Variants in FTO observed in about 807,000 individuals in gnomAD.
FTO encodes FTO alpha-ketoglutarate dependent dioxygenase.
A neutral mutation model predicts 63.9 loss-of-function variants in FTO; 47 were observed. That is an observed-to-expected ratio of 0.74 (90% confidence interval 0.58 to 0.94). The LOEUF (loss-of-function observed/expected upper bound fraction) is 0.94. FTO is among the 40% of genes least tolerant of loss of function. The pLI, the probability that FTO is intolerant of heterozygous loss-of-function variation, is 0.00. For synonymous variants in FTO, 207 were observed against 224.4 expected (o/e 0.92, Z 0.69); for missense variants, 562 against 618.1 (o/e 0.91, Z 0.96).
chr16:53,971,562 T>C (rs530413684), intron 8 of FTO, among the ~76,000 whole-genome samples: 2 of 152,338 alleles, frequency 1.3e-5, no homozygotes, highest in East Asian at 3.9e-4. Flanking sequence ...TTTTCTAAGG[T>C]TAAATTTTGT....
rs142290593 is a variant in FTO at position 54,099,865 on chromosome 16, C to T, written c.1365-11897C>T. ...CCTGGGGAGCCAAGTTGCCGCTCTACAGGACTCTACAGCGGCCTGAGTCTG... is the reference window on the plus strand; with the variant it reads ...CCTGGGGAGCCAAGTTGCCGCTCTATAGGACTCTACAGCGGCCTGAGTCTG... On this transcript the variant is annotated intron_variant, in intron 8 of 8. Coordinates refer to ENST00000471389, the MANE Select transcript of FTO (RefSeq NM_001080432.3). Among the ~76,000 whole-genome samples the T allele has an allele frequency of 5.9e-5, 9 of 152,282 alleles. No individual in the cohort carries two copies. In the East Asian group the frequency reaches 1.7e-3, roughly 29 times the overall value.
chr16:54,033,469 G>C (rs1303984848), intron 8 of FTO, among the ~76,000 whole-genome samples: 1 of 152,130 alleles, frequency 6.6e-6, no homozygotes, highest in Non-Finnish European at 1.5e-5. Flanking sequence ...ATCTAGATTT[G>C]GCCAAAAGGT....
chr16:53,983,363 A>G (rs2083591001), intron 8 of FTO, among the ~76,000 whole-genome samples: 1 of 152,078 alleles, frequency 6.6e-6, no homozygotes, highest in African/African-American at 2.4e-5. Context: ...GATAATTTTT[A>G]GAGGAGATGC....
chr16:53,926,829 T>C (rs12919116), intron 7 of FTO, among the ~76,000 whole-genome samples: 87,174 of 151,548 alleles, frequency 0.58, 25,515 homozygotes, highest in East Asian at 0.85. Context: ...GTTTTTTTTT[T>C]CCCCAGGCTA....
At chr16:54,110,502 G>A (rs1179228660) in intron 8 of FTO, among the ~76,000 whole-genome samples, 5 of 152,136 alleles carry the variant, frequency 3.3e-5, no homozygotes, top group African/African-American at 4.8e-5. Context: ...ATAGGATGCC[G>A]GTGTAGCAAT....
In FTO at chr16:54,066,013, TTAGAC is replaced by T. The variant is rs1412725252; in HGVS notation, c.1365-45745_1365-45741del. ...CAACTAACTTATACAGCAGAGCTGT[TTAGAC>T]TAGCCACTTTTGCACACAGTACTTC... On this transcript the variant is annotated intron_variant, in intron 8 of 8. Transcript: ENST00000471389. Among the ~76,000 whole-genome samples the T allele has an allele frequency of 6.6e-5, 10 of 152,330 alleles. No homozygotes were observed. In the South Asian group the frequency reaches 1.2e-3, roughly 19 times the overall value.
intron 8 of FTO, among the ~76,000 whole-genome samples, chr16:54,095,035 G>T (rs1219468346): frequency 6.6e-6 from 1 of 151,836 alleles, no homozygotes; most frequent in African/African-American, 2.4e-5. Context: ...AGCCACAGTT[G>T]CCCCCTTGCT....
chr16:53,778,486 G>A (rs924929513), intron 1 of FTO, among the ~76,000 whole-genome samples: 10 of 152,102 alleles, frequency 6.6e-5, no homozygotes, highest in African/African-American at 2.2e-4. Context: ...TCTTTAAACC[G>A]TCAGTGGAAA....
At chr16:53,755,418 C>T (rs547396198) in intron 1 of FTO, among the ~76,000 whole-genome samples, 5 of 152,238 alleles carry the variant, frequency 3.3e-5, no homozygotes, top group Admixed American at 1.3e-4. Flanking sequence ...TGTCTGATCC[C>T]GTCCATTGAG....
chr16:53,933,957 T>G (rs1856648942), intron 7 of FTO, 28 bp from the exon 8 acceptor site: 1 of 1,610,696 alleles, frequency 6.2e-7, no homozygotes, highest in African/African-American at 1.3e-5. Flanking sequence ...TCACTTTTTC[T>G]TTCTCTGTTT....
At chr16:54,017,421 G>C (rs1237240981) in intron 8 of FTO, among the ~76,000 whole-genome samples, 3 of 151,814 alleles carry the variant, frequency 2.0e-5, no homozygotes, top group Non-Finnish European at 4.4e-5. Flanking sequence ...TGTCAACAGT[G>C]CCATTGTTGG....
At chr16:53,707,295 T>C (rs1176375490) in intron 1 of FTO, among the ~76,000 whole-genome samples, 1 of 152,184 alleles carries the variant, frequency 6.6e-6, no homozygotes. Context: ...TCTGCTTCCA[T>C]CTTCACATGG....
rs1268577440 is a variant in FTO at position 54,116,391 on chromosome 16, T to G, written c.*4476T>G. ...AAAAGGCAATTCTCATCCAGACAGA[T>G]TCAGATGGAGAGGAGCGGTGTGGAT... On this transcript the variant is annotated 3_prime_UTR_variant, in exon 9 of 9. Coordinates refer to ENST00000471389, the MANE Select transcript of FTO (RefSeq NM_001080432.3). 6.6e-6 allele frequency: 1 copy of G among 152,106 alleles called. No homozygotes were observed. Among genetic ancestry groups the G allele is most frequent in the Non-Finnish European group, 1.5e-5 (1 of 68,012 alleles). The allele number at this position is 152,106 out of a possible 1,614,324, so 9.4% of individuals were successfully genotyped here. A position where few individuals can be genotyped will look rare whatever the true frequency, so the allele number is the denominator to read the frequency against.
intron 7 of FTO, among the ~76,000 whole-genome samples, chr16:53,903,978 AT>A (rs1275002435): frequency 2.0e-4 from 30 of 151,962 alleles, no homozygotes; most frequent in African/African-American, 7.0e-4. Context: ...ACATATATAA[AT>A]GTGTATATTT....
intron 1 of FTO, among the ~76,000 whole-genome samples, chr16:53,780,953 T>A (rs1358855237): frequency 6.6e-6 from 1 of 152,248 alleles, no homozygotes; most frequent in Non-Finnish European, 1.5e-5. Flanking sequence ...TTTAATGTAA[T>A]GTTATTAAAA....
At chr16:53,720,615 GATATATAT>G (rs1296374767) in intron 1 of FTO, among the ~76,000 whole-genome samples, 1 of 143,508 alleles carries the variant, frequency 7.0e-6, no homozygotes, top group East Asian at 2.0e-4. Context: ...AACTTAAAAA[GATATATAT>G]ATATCTTTTA....
At position 54,065,984 on chromosome 16, in the gene FTO, A is replaced by G. The variant is rs532733202; in HGVS notation, c.1365-45778A>G. ...TACTAGCTAACTTACTAACTTATACAGCTCAACTAACTTATACAGCAGAGC... is the reference window on the plus strand; with the variant it reads ...TACTAGCTAACTTACTAACTTATACGGCTCAACTAACTTATACAGCAGAGC... On this transcript the variant is annotated intron_variant, in intron 8 of 8. Coordinates refer to ENST00000471389, the MANE Select transcript of FTO (RefSeq NM_001080432.3). Among the ~76,000 whole-genome samples, 157 of 134,288 alleles carry G rather than the reference A, an allele frequency of 1.2e-3. 1 individual carries two copies. Among genetic ancestry groups the G allele is most frequent in the African/African-American group, 4.4e-3 (148 of 33,558 alleles). The allele number at this position is 134,288 out of a possible 152,430, so 88.1% of individuals were successfully genotyped here.
At chr16:53,704,812 G>A (rs1365698321) in intron 1 of FTO, among the ~76,000 whole-genome samples, 1 of 152,146 alleles carries the variant, frequency 6.6e-6, no homozygotes, top group Non-Finnish European at 1.5e-5. Context: ...TGTGGGTCAG[G>A]CACTGTATTA....
rs575842710 is a variant in FTO, at chr16:53,833,730, C to A, written c.751+7239C>A. On this transcript the variant is annotated intron_variant, in intron 3 of 8. Coordinates refer to ENST00000471389, the MANE Select transcript of FTO (RefSeq NM_001080432.3). ...AAGGGCTCTAATTTCTCCACATCTA[C>A]GCCAACACTTACTGTTTCCTGTTTT... 2.0e-5 allele frequency among the ~76,000 whole-genome samples: 3 copies of A among 152,308 alleles called. No homozygotes were observed. The South Asian group carries it at 6.2e-4, about 32-fold the overall frequency.
Sources: gnomAD v4.1 joint callset for allele counts (sites outside exome capture counted in the v4.1 genomes callset) on GRCh38, gnomAD v4.1.1 for gene constraint, MANE v1.5 for transcripts, NCBI Gene and HGNC (gene_info 2026-07-23, HGNC 2026-07-21) for gene names.